The following C5 variants were observed in gnomAD, a reference collection of about 807,000 sequenced individuals.
C5 encodes the protein C3 and PZP-like alpha-2-macroglobulin domain-containing protein 4.
C5 carries 140 observed loss-of-function variants against 218.8 expected under a neutral mutation model. That is an observed-to-expected ratio of 0.64 (90% CI 0.56 to 0.74). The LOEUF (loss-of-function observed/expected upper bound fraction) is 0.74. Ranked by LOEUF, C5 falls within the 30% of genes least tolerant of loss-of-function variation. The probability of loss-of-function intolerance (pLI) is 0.00; values close to 1 mark genes in which losing one functional copy is unlikely to be tolerated. For missense variants in C5, 1,700 were observed against 1,969.6 expected (o/e 0.86, Z 2.59); for synonymous variants, 614 against 682.3 (o/e 0.90, Z 1.56).
At chr9:120,952,963 G>A (rs2046756443) in intron 40 of C5, 95 bp from the exon 41 acceptor site, 5 of 1,385,092 alleles carry the variant, frequency 3.6e-6, no homozygotes, top group African/African-American at 1.4e-5. Flanking sequence ...TTGCTCAGTC[G>A]CCCATGCTGG....
At chr9:121,007,079 G>T (rs1215558677) in intron 18 of C5, 102 bp from the exon 19 acceptor site, 2 of 823,788 alleles carry the variant, frequency 2.4e-6, no homozygotes, top group Non-Finnish European at 2.1e-6. Flanking sequence ...CTACTTTAGA[G>T]AAAGAAAAAA....
Position 120,976,171 on chromosome 9 carries a change from C to T in C5, c.3864+529G>A, listed in dbSNP as rs368731573. Among the ~76,000 whole-genome samples the T allele has an allele frequency of 7.9e-5, 12 of 152,158 alleles. No homozygotes were observed. The South Asian group carries it at 1.0e-3, about 13-fold the overall frequency. ...AGGCAACAGGGAAGATATTAACATT[C>T]GATCTAAACTTTGAATATAAACATG... On this transcript the variant is annotated intron_variant, in intron 29 of 40. Coordinates refer to ENST00000223642, the MANE Select transcript of C5 (RefSeq NM_001735.3).
At chr9:121,010,330 A>G (rs1032529252) in intron 17 of C5, among the ~76,000 whole-genome samples, 15 of 152,268 alleles carry the variant, frequency 9.9e-5, no homozygotes, top group African/African-American at 3.4e-4. Flanking sequence ...TAGCATTTCT[A>G]TATGTCAATA....
the C5 span, among the ~76,000 whole-genome samples, chr9:121,068,472 T>C: frequency 6.6e-6 from 1 of 151,938 alleles, no homozygotes; most frequent in African/African-American, 2.4e-5. Context: ...ATGGAAGAAA[T>C]TGAAGAGGGT....
At chr9:121,040,111 G>T (rs2047564352) in intron 3 of C5, among the ~76,000 whole-genome samples, 2 of 152,248 alleles carry the variant, frequency 1.3e-5, no homozygotes, top group Admixed American at 1.3e-4. Context: ...TGAGCATGTA[G>T]AAGAGGGAGA....
In C5 at chr9:121,018,971, T is replaced by C. The variant is rs191154282; in HGVS notation, c.1506+1005A>G. ...TGATTTTAATTCAAAATCACACAAC[T>C]AGTAAATTAGAGAGCTAAAATTTGA... On this transcript the variant is annotated intron_variant, in intron 12 of 40. Transcript: ENST00000223642. Among the ~76,000 whole-genome samples the C allele has an allele frequency of 5.8e-3, 879 of 152,130 alleles. 3 individuals carry two copies. Among genetic ancestry groups the C allele is most frequent in the Middle Eastern group, 0.017 (5 of 294 alleles).
rs370045659 is a variant in C5, at chr9:121,016,262, T to C, written c.1988A>G (p.Gln663Arg). The change falls in exon 15 of 41, where the codon CAA becomes CGA. Residue 663 changes from glutamine to arginine, a missense_variant. By Grantham distance (43) the Gln-to-Arg change is conservative (BLOSUM62 1). Coordinates refer to ENST00000223642, the MANE Select transcript of C5 (RefSeq NM_001735.3). The part of the protein sequence containing the change: ...FLTNANADDS[Q>R]ENDEPCKEIL... Reference sequence around the variant, plus strand: ...CATGCTGAGCATTTTACCATTTTCTTGGGAGTCATCTGCATTTGCATTAGT... The same window carrying C: ...CATGCTGAGCATTTTACCATTTTCTCGGGAGTCATCTGCATTTGCATTAGT... 62 of 1,613,890 alleles carry C rather than the reference T, an allele frequency of 3.8e-5. No individual in the cohort carries two copies. The highest frequency in any genetic ancestry group is 5.1e-5 in the Non-Finnish European group (60 of 1,179,896).
At chr9:121,058,358 G>A in the C5 span, among the ~76,000 whole-genome samples, 25 of 152,122 alleles carry the variant, frequency 1.6e-4, no homozygotes, top group Non-Finnish European at 3.2e-4. Context: ...ATAGAAAAAA[G>A]CCAGGAAAGA....
chr9:121,022,648 A>AT (rs1291483950), intron 10 of C5, among the ~76,000 whole-genome samples: 3 of 150,002 alleles, frequency 2.0e-5, no homozygotes, highest in Admixed American at 6.6e-5. Flanking sequence ...ACAAAAAAAA[A>AT]TTTTGCTCTG....
chr9:121,023,259 G>T, intron 10 of C5, 145 bp downstream of exon 10: 1 of 716,246 alleles, frequency 1.4e-6, no homozygotes, highest in Non-Finnish European at 2.6e-6. Context: ...CCCTGTCTGT[G>T]TCCACCAGGA....
chr9:120,991,141 T>C (rs747221141), intron 23 of C5, 50 bp downstream of exon 23: 1 of 1,079,440 alleles, frequency 9.3e-7, no homozygotes, highest in Non-Finnish European at 1.4e-6. Context: ...TTGATTTTTG[T>C]TTGAAGCACC....
intron 39 of C5, 111 bp from the exon 40 acceptor site, chr9:120,953,979 G>A (rs2046767118): frequency 2.8e-6 from 3 of 1,066,636 alleles, no homozygotes; most frequent in Admixed American, 1.7e-5. Context: ...CATGGCTAGT[G>A]GACAGCCGTG....
intron 32 of C5, among the ~76,000 whole-genome samples, chr9:120,969,645 A>AG (rs1016530392): frequency 4.7e-4 from 72 of 152,218 alleles, no homozygotes; most frequent in African/African-American, 1.7e-3. Context: ...TAAAAGGGTC[A>AG]GGGGTACATT....
intron 33 of C5, among the ~76,000 whole-genome samples, chr9:120,964,295 C>T (rs1030328258): frequency 3.9e-5 from 6 of 152,086 alleles, no homozygotes; most frequent in African/African-American, 1.4e-4. Flanking sequence ...CTGGCTAACA[C>T]GGTGAAACTC....
rs779701089 is a variant in C5, at chr9:120,962,824, T to C, written c.4399-48A>G. On this transcript the variant is annotated intron_variant, in intron 35 of 40. Coordinates refer to ENST00000223642, the MANE Select transcript of C5 (RefSeq NM_001735.3). ...TAAGGAAATTATGGAGAGATGATATTTATAATCTTTTAGCCTGTATATTTT... is the reference window on the plus strand; with the variant it reads ...TAAGGAAATTATGGAGAGATGATATCTATAATCTTTTAGCCTGTATATTTT... 28 of 1,591,356 alleles carry C rather than the reference T, an allele frequency of 1.8e-5. 1 individual carries two copies. Among genetic ancestry groups the C allele is most frequent in the Non-Finnish European group, 2.4e-5 (28 of 1,159,232 alleles).
intron 33 of C5, 86 bp downstream of exon 33, chr9:120,968,975 C>G: frequency 3.4e-6 from 4 of 1,174,246 alleles, no homozygotes. Flanking sequence ...CTGGACATAC[C>G]AAAATTTGAA....
upstream of C5, among the ~76,000 whole-genome samples, chr9:121,053,919 T>C (rs1457593905): frequency 6.6e-6 from 1 of 152,170 alleles, no homozygotes; most frequent in African/African-American, 2.4e-5. Flanking sequence ...CACCACTGGC[T>C]AACTAAAGTG....
chr9:121,074,803 G>A, the C5 span: 3 of 455,214 alleles, frequency 6.6e-6, no homozygotes, highest in African/African-American at 6.0e-5. Flanking sequence ...GGCCCCGCGC[G>A]GCCGGAAGCC....
chr9:120,974,722 AGATGATT>A lies in C5; in HGVS notation c.4017+50_4017+56del, dbSNP rs1282546454. 12 of 1,416,890 alleles carry A rather than the reference AGATGATT, an allele frequency of 8.5e-6. No homozygotes were observed. The East Asian group carries it at 2.3e-4, about 27-fold the overall frequency. The allele number at this position is 1,416,890 out of a possible 1,614,324, so 87.8% of individuals were successfully genotyped here. On this transcript the variant is annotated intron_variant, in intron 30 of 40. Transcript: ENST00000223642. ...AGATTTATAAAATAAAGAGTGGAAC[AGATGATT>A]TCAATGGTCTCAGCCAATTGTAAAA... is the stretch of plus-strand genomic sequence containing the variant.
Sources: gnomAD v4.1 joint callset for allele counts (sites outside exome capture counted in the v4.1 genomes callset) on GRCh38, gnomAD v4.1.1 for gene constraint, MANE v1.5 for transcripts, NCBI Gene and HGNC (gene_info 2026-07-23, HGNC 2026-07-21) for gene names.